The following GNAS variants were observed in gnomAD, a reference collection of about 807,000 sequenced individuals.
GNAS encodes the protein protein ALEX.
A neutral mutation model predicts 54.5 loss-of-function variants in GNAS; 8 were observed. That is an observed-to-expected ratio of 0.15 (90% CI 0.09 to 0.26). The LOEUF is 0.26. Ranked by LOEUF, GNAS falls within the 10% of genes least tolerant of loss-of-function variation. The pLI, the probability that GNAS is intolerant of heterozygous loss-of-function variation, is 1.00. For missense variants in GNAS, 170 were observed against 529.8 expected (o/e 0.32, Z 6.67); for synonymous variants, 204 against 191.4 (o/e 1.07, Z -0.54).
intron 1 of GNAS, chr20:58,854,942 C>A: frequency 6.2e-7 from 1 of 1,605,474 alleles, no homozygotes; most frequent in East Asian, 2.3e-5. Flanking sequence ...AGAGCAGCCG[C>A]GGCCGCCGCG....
chr20:58,842,472 G>C (rs1426552621), intron 1 of GNAS: 8 of 398,542 alleles, frequency 2.0e-5, no homozygotes, highest in Non-Finnish European at 3.1e-5. Flanking sequence ...CCGTAGGAAA[G>C]GCGTCGCGGC....
At position 58,891,487 on chromosome 20, in the gene GNAS, C is replaced by G; in HGVS notation, c.-240C>G. The G allele has an allele frequency of 1.0e-6, 1 of 959,016 alleles. No homozygotes were observed. The allele number at this position is 959,016 out of a possible 1,614,324, so 59.4% of individuals were successfully genotyped here. On this transcript the variant is annotated 5_prime_UTR_variant, in exon 1 of 13. Coordinates refer to ENST00000371085, the MANE Select transcript of GNAS (RefSeq NM_000516.7). ...CGGCGGCCATCAGCCCCCTCGGCCT[C>G]GGCTCGAGGGGCGGGGAGCTGCGCG...
chr20:58,852,939 CGGGA>C, intron 1 of GNAS: 1 of 917,496 alleles, frequency 1.1e-6, no homozygotes, highest in East Asian at 4.8e-5. Flanking sequence ...TCCAAGCAGG[CGGGA>C]CTGGCCTGGA....
At chr20:58,903,005 G>T (rs1379361510) in intron 3 of GNAS, 4 of 216,038 alleles carry the variant, frequency 1.9e-5, no homozygotes, top group Non-Finnish European at 3.8e-5. Context: ...CAAAGTGCTG[G>T]GATTACAGGT....
intron 3 of GNAS, among the ~76,000 whole-genome samples, chr20:58,901,291 T>C (rs2090581066): frequency 6.6e-6 from 1 of 152,194 alleles, no homozygotes; most frequent in Non-Finnish European, 1.5e-5. Flanking sequence ...TGTTAGACTG[T>C]AATACCAAGG....
intron 6 of GNAS, chr20:58,908,919 C>T (rs929434839): frequency 1.2e-5 from 7 of 604,020 alleles, no homozygotes; most frequent in South Asian, 3.5e-5. Flanking sequence ...AGCTGCTAGA[C>T]GCATCTAGAG....
intron 2 of GNAS, 21 bp from the exon 3 acceptor site, chr20:58,898,920 C>T: frequency 6.2e-7 from 1 of 1,610,394 alleles, no homozygotes; most frequent in Non-Finnish European, 8.5e-7. Context: ...ATTAGGTGAG[C>T]TTTCAATCTC....
At chr20:58,889,118 T>C (rs2088835903), upstream of GNAS, 3 of 1,171,030 alleles carry the variant, frequency 2.6e-6, no homozygotes, top group Non-Finnish European at 3.3e-6. Context: ...GGGTCGGTCC[T>C]CTGAAGAGGC....
At chr20:58,854,857 C>T (rs1004323506) in intron 1 of GNAS, 1 of 1,597,254 alleles carries the variant, frequency 6.3e-7, no homozygotes, top group Non-Finnish European at 8.5e-7. Flanking sequence ...CTCAGACCCC[C>T]CAGCCCCGAG....
chr20:58,874,634 G>GC (rs2087677356), intron 1 of GNAS, among the ~76,000 whole-genome samples: 2 of 151,740 alleles, frequency 1.3e-5, no homozygotes, highest in Non-Finnish European at 2.9e-5. Context: ...CTTCTGGCCT[G>GC]CCTTCTATCT....
Position 58,873,095 on chromosome 20 carries a change from T to A in GNAS, c.44-22517T>A, listed in dbSNP as rs969415612. 6.6e-6 allele frequency among the ~76,000 whole-genome samples: 1 copy of A among 152,170 alleles called. No homozygotes were observed. Among genetic ancestry groups the A allele is most frequent in the Non-Finnish European group, 1.5e-5 (1 of 68,034 alleles). On this transcript the variant is annotated intron_variant, in intron 1 of 12. Transcript: ENST00000306090. The surrounding 1 kb of genome is among the most constrained non-coding windows in gnomAD (Gnocchi z 4.3). ...GAGTTAGAAATGTGTTGCTAATTGA[T>A]TTGAGCTAAATTTGTGTTGCTTTGA...
chr20:58,894,347 C>G (rs890184290), intron 1 of GNAS, among the ~76,000 whole-genome samples: 1 of 152,094 alleles, frequency 6.6e-6, no homozygotes, highest in Admixed American at 6.5e-5. Flanking sequence ...TTTTAATTTA[C>G]CAGAGTTAGG....
intron 1 of GNAS, among the ~76,000 whole-genome samples, chr20:58,869,215 T>A (rs2087271305): frequency 2.0e-5 from 3 of 152,362 alleles, no homozygotes; most frequent in Admixed American, 1.3e-4. Context: ...TCCCTGGTTC[T>A]AGTTTTTCTC....
upstream of GNAS, chr20:58,889,327 T>C: frequency 2.0e-6 from 2 of 988,964 alleles, no homozygotes; most frequent in Non-Finnish European, 2.4e-6. Context: ...AGGCGCTGCC[T>C]TGCGTGTGAG....
chr20:58,861,432 G>A (rs989342684), intron 1 of GNAS, among the ~76,000 whole-genome samples: 33 of 152,244 alleles, frequency 2.2e-4, no homozygotes, highest in African/African-American at 6.3e-4. Context: ...GCCCTAACAC[G>A]CACCTTCACA....
At chr20:58,859,266 T>C (rs2086656802) in intron 1 of GNAS, among the ~76,000 whole-genome samples, 1 of 152,186 alleles carries the variant, frequency 6.6e-6, no homozygotes, top group Non-Finnish European at 1.5e-5. Context: ...AATGGCAGGA[T>C]TTCTGCTCAC....
upstream of GNAS, chr20:58,840,785 C>T (rs938067305): frequency 6.2e-7 from 1 of 1,611,130 alleles, no homozygotes; most frequent in Non-Finnish European, 8.5e-7. This position sits in a 1 kb window ranked among gnomAD's most constrained non-coding sequence, Gnocchi z 6.0. Flanking sequence ...GCCCACCCGC[C>T]GTGACGCGTC....
intron 1 of GNAS, among the ~76,000 whole-genome samples, chr20:58,875,601 G>A (rs1327523712): frequency 2.0e-5 from 3 of 152,126 alleles, no homozygotes; most frequent in African/African-American, 7.2e-5. Context: ...TTCTTCCACT[G>A]TGACCCCAGG....
intron 1 of GNAS, among the ~76,000 whole-genome samples, chr20:58,858,456 C>G (rs1034458208): frequency 2.0e-5 from 3 of 152,098 alleles, no homozygotes; most frequent in East Asian, 1.9e-4. Context: ...TTTAAAGAAG[C>G]CTTTTTCTTA....
Sources: allele counts gnomAD v4.1 joint callset (sites outside exome capture counted in the v4.1 genomes callset), GRCh38; gene constraint gnomAD v4.1.1; non-coding constraint Gnocchi (gnomAD v3.1); transcripts MANE v1.5; gene names NCBI Gene and HGNC (gene_info 2026-07-23, HGNC 2026-07-21).